PMS1: variants seen among roughly 807,000 people sequenced by gnomAD.
The protein encoded by PMS1 is PMS1 homolog 1, mismatch repair system component.
Under a neutral mutation model 93.1 loss-of-function variants are expected in PMS1, and 79 were observed. That is an observed-to-expected ratio of 0.85 (90% confidence interval 0.71 to 1.02). The LOEUF (loss-of-function observed/expected upper bound fraction) is 1.02. PMS1 is among the 50% of genes least tolerant of loss of function. The pLI is 0.00. For missense variants in PMS1, 1,064 were observed against 1,085.3 expected (o/e 0.98, Z 0.28); for synonymous variants, 335 against 363.4 (o/e 0.92, Z 0.89).
intron 11 of PMS1, among the ~76,000 whole-genome samples, chr2:189,873,012 T>C (rs2057283900): frequency 6.6e-6 from 1 of 152,222 alleles, no homozygotes. Context: ...TTAAAATATT[T>C]TGAACAAACA....
In PMS1 at chr2:189,831,040, A is replaced by G. The variant is rs561632301; in HGVS notation, c.582+12860A>G. ...TCTAGGACCCCCAGGTGGTTGGGTTATAGGAAAATTTTGTTACAGCAGAAT... is the reference window on the plus strand; with the variant it reads ...TCTAGGACCCCCAGGTGGTTGGGTTGTAGGAAAATTTTGTTACAGCAGAAT... On this transcript the variant is annotated intron_variant, in intron 5 of 12. Coordinates refer to ENST00000441310, the MANE Select transcript of PMS1 (RefSeq NM_000534.5). 3.9e-5 allele frequency among the ~76,000 whole-genome samples: 6 copies of G among 152,326 alleles called. No individual in the cohort carries two copies. The South Asian group carries it at 1.0e-3, about 26-fold the overall frequency.
chr2:189,796,707 T>C (rs1488545308), intron 3 of PMS1, among the ~76,000 whole-genome samples: 1 of 152,250 alleles, frequency 6.6e-6, no homozygotes, highest in Non-Finnish European at 1.5e-5. Flanking sequence ...ATTTCCTTCC[T>C]TTTTAAGGCT....
chr2:189,848,873 T>C (rs753225520), intron 6 of PMS1, among the ~76,000 whole-genome samples: 1 of 152,232 alleles, frequency 6.6e-6, no homozygotes, highest in African/African-American at 2.4e-5. Flanking sequence ...TCACAGTTTC[T>C]TTGAGCCCTT....
At chr2:189,822,403 A>G (rs114297636) in intron 5 of PMS1, among the ~76,000 whole-genome samples, 2,649 of 152,224 alleles carry the variant, frequency 0.017, 77 homozygotes, top group African/African-American at 0.06. Flanking sequence ...CATCCTGGAG[A>G]AGGCTTGATT....
intron 2 of PMS1, among the ~76,000 whole-genome samples, chr2:189,794,100 AAACTT>A (rs1223669773): frequency 6.6e-6 from 1 of 152,072 alleles, no homozygotes; most frequent in African/African-American, 2.4e-5. Context: ...CCCAGAATGT[AAACTT>A]AACTTTATTC....
rs114947356 is a variant in PMS1, at chr2:189,875,058, G to A, written c.2634+1402G>A. Among the ~76,000 whole-genome samples, 355 of 151,642 alleles carry A rather than the reference G, an allele frequency of 2.3e-3. 1 individual carries two copies. Among genetic ancestry groups the A allele is most frequent in the African/African-American group, 8.0e-3 (329 of 41,314 alleles). On this transcript the variant is annotated intron_variant, in intron 12 of 12. Transcript: ENST00000441310. ...AAAAAAAAGAGAGAACTTAAACCAC[G>A]GGGATGCTTCCATTTAAGGTCAATA... is the stretch of plus-strand genomic sequence containing the variant.
chr2:189,795,923 C>A lies in PMS1; in HGVS notation c.287C>A (p.Ala96Asp), dbSNP rs139414606. Residue 96 changes from alanine to aspartate, a missense_variant, in exon 3 of 13, where the codon GCC becomes GAC. Coordinates refer to ENST00000441310, the MANE Select transcript of PMS1 (RefSeq NM_000534.5). ...ACAACTTACGGTTTTCGTGGAGAAG[C>A]CTTGGGGTCAATTTGTTGTATAGCT... is the stretch of plus-strand genomic sequence containing the variant. The part of the protein sequence containing the change: ...NLTTYGFRGE[A>D]LGSICCIAEV... The A allele has an allele frequency of 2.5e-6, 4 of 1,612,606 alleles. No homozygotes were observed. The highest frequency in any genetic ancestry group is 3.4e-6 in the Non-Finnish European group (4 of 1,178,892).
intron 4 of PMS1, among the ~76,000 whole-genome samples, chr2:189,808,973 T>A (rs80303616): frequency 2.6e-5 from 4 of 152,290 alleles, no homozygotes; most frequent in African/African-American, 4.8e-5. Context: ...ACCCTCCTAG[T>A]CAGATTCTTT....
intron 6 of PMS1, among the ~76,000 whole-genome samples, chr2:189,850,618 G>C (rs2054610239): frequency 6.6e-6 from 1 of 152,076 alleles, no homozygotes; most frequent in East Asian, 1.9e-4. Context: ...GGAAAAAGGG[G>C]GCTGATAATG....
chr2:189,874,108 A>G (rs895738714), intron 12 of PMS1, among the ~76,000 whole-genome samples: 4 of 152,216 alleles, frequency 2.6e-5, no homozygotes, highest in African/African-American at 9.6e-5. Flanking sequence ...CTATTAAAAA[A>G]AAAAAGAACA....
Position 189,852,727 on chromosome 2 carries a change from A to G in PMS1, c.772A>G (p.Ser258Gly). The G allele has an allele frequency of 6.3e-7, 1 of 1,589,268 alleles. No individual in the cohort carries two copies. Among genetic ancestry groups the G allele is most frequent in the Non-Finnish European group, 8.6e-7 (1 of 1,157,440 alleles). ...SFTSLSTPER[S>G]FIFINSRPVH... ...CACTAGTCTTTCAACACCAGAAAGA[A>G]GTTTCATCTTCATAAACAGTCGACC... The change falls in exon 7 of 13, where the codon AGT (serine) becomes GGT (glycine). Residue 258 changes from serine to glycine, a missense_variant. Physicochemically the swap from Ser to Gly is moderately conservative, Grantham distance 56 (BLOSUM62 0). Coordinates refer to ENST00000441310, the MANE Select transcript of PMS1 (RefSeq NM_000534.5).
At chr2:189,833,824 A>G (rs1319011738) in intron 5 of PMS1, among the ~76,000 whole-genome samples, 1 of 152,162 alleles carries the variant, frequency 6.6e-6, no homozygotes, top group Non-Finnish European at 1.5e-5. Context: ...TTTATTTGTT[A>G]TAGGAAGTGC....
chr2:189,870,089 A>G (rs1443623560), intron 11 of PMS1, among the ~76,000 whole-genome samples: 2 of 152,188 alleles, frequency 1.3e-5, no homozygotes, highest in African/African-American at 4.8e-5. Context: ...TTAGATTATC[A>G]TCAGCATTAT....
chr2:189,800,147 A>C (rs995578484), intron 3 of PMS1, among the ~76,000 whole-genome samples: 3 of 152,262 alleles, frequency 2.0e-5, no homozygotes, highest in African/African-American at 7.2e-5. Context: ...AATTGTACAC[A>C]GTGAAATATG....
chr2:189,789,799 C>G (rs369040525), intron 1 of PMS1, among the ~76,000 whole-genome samples: 6 of 152,120 alleles, frequency 3.9e-5, no homozygotes, highest in African/African-American at 9.7e-5. Flanking sequence ...GAGTCCACCC[C>G]CAGCCCCCAT....
intron 5 of PMS1, among the ~76,000 whole-genome samples, chr2:189,829,529 T>G (rs1559268540): frequency 6.6e-6 from 1 of 152,168 alleles, no homozygotes; most frequent in Non-Finnish European, 1.5e-5. Flanking sequence ...GGGCACTCTG[T>G]CAGTTCTCTT....
chr2:189,834,176 T>C (rs1337426465), intron 5 of PMS1, among the ~76,000 whole-genome samples: 3 of 152,188 alleles, frequency 2.0e-5, no homozygotes, highest in Admixed American at 6.5e-5. Context: ...AAAATCTGAT[T>C]AGAGTCAAAA....
chr2:189,800,285 G>C (rs2049774407), intron 3 of PMS1, among the ~76,000 whole-genome samples: 2 of 152,054 alleles, frequency 1.3e-5, no homozygotes, highest in African/African-American at 4.8e-5. Flanking sequence ...AGCATGATTA[G>C]AAATGTATTT....
intron 1 of PMS1, among the ~76,000 whole-genome samples, chr2:189,785,083 T>C (rs1021918170): frequency 2.6e-5 from 4 of 152,220 alleles, no homozygotes; most frequent in African/African-American, 9.6e-5. Context: ...AAAGTCTTGA[T>C]TAGGTTTTTT....
Sources: allele counts gnomAD v4.1 joint callset (sites outside exome capture counted in the v4.1 genomes callset), GRCh38; gene constraint gnomAD v4.1.1; transcripts MANE v1.5; gene names NCBI Gene and HGNC (gene_info 2026-07-23, HGNC 2026-07-21).